The following ATM variants were observed in gnomAD, a reference collection of about 807,000 sequenced individuals.
ATM encodes the protein serine-protein kinase ATM.
In ATM, 308 loss-of-function variants were observed where a neutral mutation model predicts 387.0. The ratio of observed to expected loss-of-function variants is 0.80; its 90% CI spans 0.73 to 0.87. The LOEUF is 0.87. ATM is among the 40% of genes least tolerant of loss of function. The probability of loss-of-function intolerance (pLI) is 0.00; values close to 1 mark genes in which losing one functional copy is unlikely to be tolerated. For synonymous variants in ATM, 1,156 were observed against 1,187.3 expected (o/e 0.97, Z 0.54); for missense variants, 3,312 against 3,560.9 (o/e 0.93, Z 1.78).
chr11:108,253,184 T>TAAG (rs1489682427), intron 12 of ATM, among the ~76,000 whole-genome samples: 4 of 152,182 alleles, frequency 2.6e-5, no homozygotes, highest in Non-Finnish European at 5.9e-5. Context: ...GCTGGGAAAT[T>TAAG]AAGAATATAA....
intron 13 of ATM, among the ~76,000 whole-genome samples, chr11:108,254,340 TA>T (rs1438561541): frequency 6.6e-6 from 1 of 152,122 alleles, no homozygotes; most frequent in Non-Finnish European, 1.5e-5. Context: ...AAAAAACCTC[TA>T]AATACAAAGG....
At position 108,325,332 on chromosome 11, in the gene ATM, T is replaced by G; in HGVS notation, c.6595T>G (p.Ser2199Ala). 1 of 1,603,604 alleles carries G rather than the reference T, an allele frequency of 6.2e-7. No individual in the cohort carries two copies. Among genetic ancestry groups the G allele is most frequent in the East Asian group, 2.3e-5 (1 of 44,238 alleles). The change falls in exon 46 of 63, where the codon TCT becomes GCT. Residue 2199 changes from serine to alanine, a missense_variant. Coordinates refer to ENST00000675843, the MANE Select transcript of ATM (RefSeq NM_000051.4). ...CAGATCAGTCACACATAGACAACTCTCTGAAGTATATATTAAGTGGCAGAA... is the reference window on the plus strand; with the variant it reads ...CAGATCAGTCACACATAGACAACTCGCTGAAGTATATATTAAGTGGCAGAA... ...FSRSVTHRQLSEVYIKWQKHS... is the reference protein window; with the variant it reads ...FSRSVTHRQLAEVYIKWQKHS...
rs1389038955 is a variant in ATM at position 108,320,015 on chromosome 11, G to C, written c.6409G>C (p.Asp2137His). 1 of 1,611,782 alleles carries C rather than the reference G, an allele frequency of 6.2e-7. No homozygotes were observed. Among genetic ancestry groups the C allele is most frequent in the Admixed American group, 1.7e-5 (1 of 59,996 alleles). The change falls in exon 44 of 63, where the codon GAC (aspartate) becomes CAC (histidine). Residue 2137 changes from aspartate (D) to histidine (H), a missense_variant. Asp to His is a moderately conservative substitution (Grantham distance 81). Coordinates refer to ENST00000675843, the MANE Select transcript of ATM (RefSeq NM_000051.4). The part of the protein sequence containing the change: ...SLYNALQSLR[D>H]REFSTFYESL... ...GTACAATGCTCTACAATCTCTAAGAGACAGAGAATTCTCTACATTTTATGA... is the reference window on the plus strand; with the variant it reads ...GTACAATGCTCTACAATCTCTAAGACACAGAGAATTCTCTACATTTTATGA...
intron 57 of ATM, among the ~76,000 whole-genome samples, chr11:108,343,961 T>G (rs2087944364): frequency 6.6e-6 from 1 of 152,206 alleles, no homozygotes; most frequent in Non-Finnish European, 1.5e-5. Context: ...TGTGCTGACT[T>G]AAGACTTCAC....
At chr11:108,246,516 A>T (rs2079855499) in intron 7 of ATM, among the ~76,000 whole-genome samples, 2 of 152,206 alleles carry the variant, frequency 1.3e-5, no homozygotes, top group African/African-American at 4.8e-5. Context: ...TATAGTCAGC[A>T]TTTTAAGTTG....
rs781539071 is a variant in ATM, at chr11:108,292,757, A to G, written c.4575A>G (p.Ile1525Met). 6.2e-7 allele frequency: 1 copy of G among 1,614,030 alleles called. No individual in the cohort carries two copies. Among genetic ancestry groups the G allele is most frequent in the Non-Finnish European group, 8.5e-7 (1 of 1,179,954 alleles). ...NHLHVIVGTL[I>M]PLVYEQVEVQ... ...TTCATGTTATTGTTGGTACACTTAT[A>G]CCCCTTGTGTATGAGCAGGTGGAGG... Residue 1525 changes from isoleucine (I) to methionine (M), a missense_variant, in exon 30 of 63, where the codon ATA (isoleucine) becomes ATG (methionine). This residue lies in a region of ATM where 1,791 missense variants were observed against 1,804.5 expected (regional missense o/e 0.99). Coordinates refer to ENST00000675843, the MANE Select transcript of ATM (RefSeq NM_000051.4).
chr11:108,270,783 C>T (rs2081531620), intron 18 of ATM, among the ~76,000 whole-genome samples: 1 of 152,064 alleles, frequency 6.6e-6, no homozygotes, highest in East Asian at 1.9e-4. Flanking sequence ...GCAACCTTCG[C>T]CTCCCAGGTT....
chr11:108,288,641 C>T (rs976828839), intron 27 of ATM, among the ~76,000 whole-genome samples: 4 of 151,780 alleles, frequency 2.6e-5, no homozygotes, highest in Non-Finnish European at 5.9e-5. Flanking sequence ...ACTGCTTTTA[C>T]AGTACTGGCA....
Position 108,244,102 on chromosome 11 carries a change from G to T in ATM, c.646G>T (p.Ala216Ser), listed in dbSNP as rs2235002. ...CAAATTTTTGGACTTTTTTTCCAAG[G>T]CTATTCAGTGTGCGAGGTAATCTAA... The part of the protein sequence containing the change: ...NSKFLDFFSK[A>S]IQCARQEKSS... Residue 216 changes from alanine to serine, a missense_variant, in exon 6 of 63, where the codon GCT (alanine) becomes TCT (serine). Around this residue, in one of 4 missense-constraint regions of ATM, gnomAD observed 1,791 missense variants for 1,804.5 expected, o/e 0.99. Coordinates refer to ENST00000675843, the MANE Select transcript of ATM (RefSeq NM_000051.4). The T allele has an allele frequency of 1.9e-5, 31 of 1,613,558 alleles. No individual in the cohort carries two copies. Among genetic ancestry groups the T allele is most frequent in the African/African-American group, 1.5e-4 (11 of 74,960 alleles).
intron 59 of ATM, 44 bp from the exon 60 acceptor site, chr11:108,353,722 A>G: frequency 6.9e-7 from 1 of 1,458,660 alleles, no homozygotes; most frequent in Middle Eastern, 1.7e-4. Context: ...AAGAAAGTAA[A>G]TTAGCTGTCA....
chr11:108,266,634 A>T (rs1045678851), intron 16 of ATM, among the ~76,000 whole-genome samples: 2 of 152,080 alleles, frequency 1.3e-5, no homozygotes, highest in African/African-American at 4.8e-5. Context: ...TTAAAGTGTA[A>T]TAAAAAAAAT....
intron 18 of ATM, among the ~76,000 whole-genome samples, chr11:108,269,596 A>G (rs1448322589): frequency 6.6e-6 from 1 of 152,190 alleles, no homozygotes; most frequent in African/African-American, 2.4e-5. Flanking sequence ...TAACTAATCT[A>G]ACCATGTGGG....
chr11:108,260,955 G>A (rs1255232440), intron 16 of ATM, among the ~76,000 whole-genome samples: 2 of 152,230 alleles, frequency 1.3e-5, no homozygotes, highest in Non-Finnish European at 2.9e-5. Flanking sequence ...CGCACCACGA[G>A]ATTATATCCC....
At chr11:108,261,992 C>T (rs559657684) in intron 16 of ATM, among the ~76,000 whole-genome samples, 1 of 152,134 alleles carries the variant, frequency 6.6e-6, no homozygotes, top group African/African-American at 2.4e-5. Flanking sequence ...GGGAAAAGAC[C>T]AAATCTACGT....
rs150791840 is a variant in ATM, at chr11:108,260,612, A to C, written c.2466+1537A>C. Among the ~76,000 whole-genome samples, 1,209 of 152,290 alleles carry C rather than the reference A, an allele frequency of 7.9e-3. 8 individuals carry two copies. Among genetic ancestry groups the C allele is most frequent in the African/African-American group, 0.025 (1,033 of 41,556 alleles). On this transcript the variant is annotated intron_variant, in intron 16 of 62. Transcript: ENST00000675843. The stretch of plus-strand genomic sequence containing the variant: ...TTTAGGTGTTACAAAACTTCTTAAT[A>C]TAAGAAATAATTTTGAGGGAGGAGC...
chr11:108,313,674 C>G (rs1475460829), intron 40 of ATM, among the ~76,000 whole-genome samples: 1 of 152,152 alleles, frequency 6.6e-6, no homozygotes, highest in Non-Finnish European at 1.5e-5. Flanking sequence ...GTGTACTAAG[C>G]ACTGTGCTAA....
chr11:108,367,234 T>A lies in ATM; in HGVS notation c.*1726T>A. On this transcript the variant is annotated 3_prime_UTR_variant, in exon 63 of 63. Coordinates refer to ENST00000675843, the MANE Select transcript of ATM (RefSeq NM_000051.4). Reference sequence around the variant, plus strand: ...GATCGCTTGACCTCGTGATCCACCCTCCTCGGCCTCCCAAAGTGCTGGGAT... The same window carrying A: ...GATCGCTTGACCTCGTGATCCACCCACCTCGGCCTCCCAAAGTGCTGGGAT... The A allele has an allele frequency of 5.6e-6, 1 of 178,730 alleles. No homozygotes were observed. The highest frequency in any genetic ancestry group is 1.2e-5 in the Non-Finnish European group (1 of 83,268). 11.1% of individuals were successfully genotyped at this position (178,730 alleles called of 1,614,324 possible).
chr11:108,309,472 G>C (rs2083961729), intron 38 of ATM, among the ~76,000 whole-genome samples: 1 of 152,158 alleles, frequency 6.6e-6, no homozygotes. Flanking sequence ...CTAGGAAACT[G>C]AGGTTTAAGA....
intron 16 of ATM, among the ~76,000 whole-genome samples, chr11:108,265,916 A>G (rs2081207667): frequency 6.8e-6 from 1 of 146,336 alleles, no homozygotes; most frequent in Non-Finnish European, 1.5e-5. Context: ...GAGAAATGCA[A>G]ATCAAAACCA....
Sources: gnomAD v4.1 joint callset for allele counts (sites outside exome capture counted in the v4.1 genomes callset) on GRCh38, gnomAD v4.1.1 for gene constraint, gnomAD v4.1.1 regional missense constraint, MANE v1.5 for transcripts, NCBI Gene and HGNC (gene_info 2026-07-23, HGNC 2026-07-21) for gene names.